Variants in MELK observed in about 807,000 individuals in gnomAD.
MELK encodes maternal embryonic leucine zipper kinase.
MELK carries 81 observed loss-of-function variants against 85.0 expected under a neutral mutation model. That is an observed-to-expected ratio of 0.95 (90% CI 0.80 to 1.15). The LOEUF (loss-of-function observed/expected upper bound fraction) is 1.15. MELK is among the 50% of genes most tolerant of loss of function. The pLI, the probability that MELK is intolerant of heterozygous loss-of-function variation, is 0.00. For synonymous variants in MELK, 252 were observed against 265.0 expected (o/e 0.95, Z 0.48); for missense variants, 754 against 777.5 (o/e 0.97, Z 0.36).
intron 16 of MELK, among the ~76,000 whole-genome samples, chr9:36,671,855 G>T (rs1587637524): frequency 6.6e-6 from 1 of 152,164 alleles, no homozygotes; most frequent in East Asian, 1.9e-4. Context: ...GTAATTAAGA[G>T]GTAAAGGGAC....
chr9:36,639,659 A>G (rs1829563828), intron 10 of MELK, among the ~76,000 whole-genome samples: 1 of 152,332 alleles, frequency 6.6e-6, no homozygotes, highest in South Asian at 2.1e-4. Flanking sequence ...TCTTTGGAAG[A>G]CACAGCTTGA....
At chr9:36,667,213 TG>T (rs1461415328) in intron 14 of MELK, among the ~76,000 whole-genome samples, 16 of 151,912 alleles carry the variant, frequency 1.1e-4, no homozygotes, top group African/African-American at 3.9e-4. Context: ...TGGAGTGCAG[TG>T]GTGCGATCTC....
intron 13 of MELK, among the ~76,000 whole-genome samples, chr9:36,657,644 G>A (rs1030863433): frequency 2.0e-5 from 3 of 152,208 alleles, no homozygotes; most frequent in African/African-American, 7.2e-5. Flanking sequence ...AGGCTGGAGT[G>A]CAGTGGCACG....
chr9:36,607,633 T>G lies in MELK; in HGVS notation c.626T>G (p.Phe209Cys), dbSNP rs773796566. 2 of 1,611,664 alleles carry G rather than the reference T, an allele frequency of 1.2e-6. No individual in the cohort carries two copies. The highest frequency in any genetic ancestry group is 1.7e-5 in the Admixed American group (1 of 60,020). ...GTTCTTATGTGTGGATTTCTACCAT[T>G]TGATGATGATAATGTAATGGCTTTA... ...LYVLMCGFLP[F>C]DDDNVMALYK... The change falls in exon 8 of 18, where the codon TTT becomes TGT. Residue 209 changes from phenylalanine (F) to cysteine (C), a missense_variant. Physicochemically the swap from Phe to Cys is radical, Grantham distance 205. Transcript: ENST00000298048.
intron 2 of MELK, among the ~76,000 whole-genome samples, chr9:36,583,130 T>C (rs1398290261): frequency 6.6e-6 from 1 of 151,986 alleles, no homozygotes; most frequent in Non-Finnish European, 1.5e-5. Flanking sequence ...CCCGCCACCA[T>C]GCCAGGCTAA....
chr9:36,675,075 C>G lies in MELK; in HGVS notation c.1778+138C>G, dbSNP rs188394353. ...CTGAGGTGGGCAGATCACTTGAGGC[C>G]AAGAGTTCAAGTTCAGCCTGGCCAA... On this transcript the variant is annotated intron_variant, in intron 17 of 17. Coordinates refer to ENST00000298048, the MANE Select transcript of MELK (RefSeq NM_014791.4). 59 of 526,020 alleles carry G rather than the reference C, an allele frequency of 1.1e-4. 1 individual carries two copies. In the East Asian group the frequency reaches 1.6e-3, roughly 14 times the overall value. The allele number at this position is 526,020 out of a possible 1,614,324, so 32.6% of individuals were successfully genotyped here. A position where few individuals can be genotyped will look rare whatever the true frequency, so the allele number is the denominator to read the frequency against.
intron 15 of MELK, among the ~76,000 whole-genome samples, chr9:36,669,629 T>A (rs894761839): frequency 1.3e-5 from 2 of 152,122 alleles, no homozygotes; most frequent in African/African-American, 4.8e-5. Context: ...GACGGCACCT[T>A]AAGTACAACA....
chr9:36,581,643 G>C lies in MELK; in HGVS notation c.-38-1G>C. The C allele has an allele frequency of 7.2e-7, 1 of 1,397,020 alleles. No individual in the cohort carries two copies. Among genetic ancestry groups the C allele is most frequent in the Non-Finnish European group, 1.0e-6 (1 of 987,422 alleles). The allele number at this position is 1,397,020 out of a possible 1,614,324, so 86.5% of individuals were successfully genotyped here. A position where few individuals can be genotyped will look rare whatever the true frequency, so the allele number is the denominator to read the frequency against. On this transcript the variant is annotated splice_acceptor_variant, in intron 1 of 17. Transcript: ENST00000298048. LOFTEE classifies it low-confidence loss of function (5UTR_SPLICE). ...TTGATTATGTACTCTCTGTCTTCTA[G>C]GTTCTTTTTCTAATTCCAAATAAAC...
At chr9:36,646,513 T>A (rs1298916047) in intron 11 of MELK, among the ~76,000 whole-genome samples, 2 of 152,222 alleles carry the variant, frequency 1.3e-5, no homozygotes, top group Admixed American at 6.5e-5. Context: ...GTGAGCCTCC[T>A]ATGTCTCATG....
At chr9:36,652,181 G>C (rs1161476652) in intron 12 of MELK, among the ~76,000 whole-genome samples, 11 of 151,208 alleles carry the variant, frequency 7.3e-5, no homozygotes, top group Admixed American at 7.2e-4. Flanking sequence ...CGAGTAGCTG[G>C]AATTGCAGGT....
At chr9:36,596,672 C>T (rs574223046) in intron 5 of MELK, among the ~76,000 whole-genome samples, 37 of 151,000 alleles carry the variant, frequency 2.5e-4, no homozygotes, top group Middle Eastern at 3.4e-3. Flanking sequence ...CCCCAACCCC[C>T]GCCTCCCGGG....
chr9:36,651,923 C>T (rs199670497), intron 12 of MELK, 46 bp downstream of exon 12: 1 of 1,585,446 alleles, frequency 6.3e-7, no homozygotes, highest in Non-Finnish European at 8.6e-7. Context: ...CCTCCCTGTT[C>T]CTGAGTGTGT....
Position 36,637,565 on chromosome 9 carries a change from C to T in MELK, c.834+4365C>T, listed in dbSNP as rs577224970. ...GTTTCCAGATAATTGGGGATATTCT[C>T]TGATATGTCACCAAAACTTTTGCAG... is the stretch of plus-strand genomic sequence containing the variant. On this transcript the variant is annotated intron_variant, in intron 10 of 17. Transcript: ENST00000298048. Among the ~76,000 whole-genome samples the T allele has an allele frequency of 1.2e-4, 19 of 152,324 alleles. 1 individual carries two copies. The South Asian group carries it at 3.7e-3, about 30-fold the overall frequency.
chr9:36,671,268 G>T, intron 16 of MELK, 102 bp downstream of exon 16: 1 of 1,247,522 alleles, frequency 8.0e-7, no homozygotes, highest in South Asian at 2.2e-5. Context: ...TTTTTTATTT[G>T]AGTATTTATT....
intron 10 of MELK, among the ~76,000 whole-genome samples, chr9:36,636,291 G>A (rs1190313683): frequency 1.3e-5 from 2 of 151,890 alleles, no homozygotes; most frequent in Non-Finnish European, 2.9e-5. Flanking sequence ...ATCACCTGAG[G>A]TTGGGAGTTT....
chr9:36,599,006 T>G (rs1212453879), intron 6 of MELK, among the ~76,000 whole-genome samples: 1 of 152,044 alleles, frequency 6.6e-6, no homozygotes, highest in Non-Finnish European at 1.5e-5. Flanking sequence ...CTCAAATAAT[T>G]TTTATCGGCC....
chr9:36,612,911 A>T (rs560084240), intron 8 of MELK, among the ~76,000 whole-genome samples: 2 of 152,198 alleles, frequency 1.3e-5, no homozygotes, highest in African/African-American at 4.8e-5. Flanking sequence ...TTATGGAAAG[A>T]TTTTTAACTA....
intron 8 of MELK, among the ~76,000 whole-genome samples, chr9:36,611,025 G>A (rs770275671): frequency 6.6e-6 from 1 of 152,104 alleles, no homozygotes; most frequent in African/African-American, 2.4e-5. Context: ...GCTTACTGGA[G>A]CATTTCAGGT....
intron 7 of MELK, among the ~76,000 whole-genome samples, chr9:36,600,424 C>T (rs182667389): frequency 6.6e-6 from 1 of 152,196 alleles, no homozygotes; most frequent in East Asian, 1.9e-4. Flanking sequence ...CACTCTGTTG[C>T]CCAGGCTGGA....
Sources: allele counts gnomAD v4.1 joint callset (sites outside exome capture counted in the v4.1 genomes callset), GRCh38; gene constraint gnomAD v4.1.1; transcripts MANE v1.5; gene names NCBI Gene and HGNC (gene_info 2026-07-23, HGNC 2026-07-21).